ROBO1: variants seen among roughly 807,000 people sequenced by gnomAD.
ROBO1 encodes roundabout guidance receptor 1.
ROBO1 carries 149 observed loss-of-function variants against 195.9 expected under a neutral mutation model. The ratio of observed to expected loss-of-function variants is 0.76; its 90% CI spans 0.67 to 0.87. ROBO1 has a LOEUF of 0.87. ROBO1 is among the 40% of genes least tolerant of loss of function. ROBO1 has a pLI of 0.00. For synonymous variants in ROBO1, 816 were observed against 733.2 expected (o/e 1.11, Z -1.82); for missense variants, 1,933 against 2,068.3 (o/e 0.93, Z 1.27).
intron 2 of ROBO1, among the ~76,000 whole-genome samples, chr3:79,196,780 G>A (rs1469137791): frequency 6.6e-6 from 1 of 151,646 alleles, no homozygotes; most frequent in Non-Finnish European, 1.5e-5. Context: ...TGTACTTGCT[G>A]CTCCAGGTTA....
At chr3:79,171,508 TA>T (rs1035564118) in intron 2 of ROBO1, among the ~76,000 whole-genome samples, 2 of 151,540 alleles carry the variant, frequency 1.3e-5, no homozygotes, top group African/African-American at 4.8e-5. Flanking sequence ...AAAATATTTA[TA>T]AAACAGATTA....
At chr3:78,841,540 TAAGTG>T (rs1405677573) in intron 4 of ROBO1, among the ~76,000 whole-genome samples, 2 of 152,108 alleles carry the variant, frequency 1.3e-5, no homozygotes, top group Non-Finnish European at 2.9e-5. Context: ...ATTTTGACCA[TAAGTG>T]GAGTGGAATA....
At chr3:78,996,223 C>T (rs149523370) in intron 3 of ROBO1, among the ~76,000 whole-genome samples, 355 of 152,026 alleles carry the variant, frequency 2.3e-3, no homozygotes, top group African/African-American at 8.2e-3. Context: ...CGGTGGCTCA[C>T]ACCTGTAATC....
At chr3:79,445,481 G>GTTT (rs34514488) in intron 2 of ROBO1, among the ~76,000 whole-genome samples, 11 of 85,692 alleles carry the variant, frequency 1.3e-4, no homozygotes, top group Admixed American at 1.5e-4. Context: ...TACAGAAATT[G>GTTT]TTTTTTTTTT....
intron 2 of ROBO1, among the ~76,000 whole-genome samples, chr3:79,513,605 G>C (rs1575948500): frequency 6.6e-6 from 1 of 151,920 alleles, no homozygotes; most frequent in African/African-American, 2.4e-5. Context: ...TTTATAGAGC[G>C]ATTAAGTCAC....
chr3:78,971,570 G>T (rs2076766946), intron 3 of ROBO1, among the ~76,000 whole-genome samples: 1 of 152,050 alleles, frequency 6.6e-6, no homozygotes, highest in South Asian at 2.1e-4. Flanking sequence ...AATAAAATGG[G>T]TAAAGTGGCC....
chr3:79,220,505 T>C (rs1377196813), intron 2 of ROBO1, among the ~76,000 whole-genome samples: 1 of 152,050 alleles, frequency 6.6e-6, no homozygotes, highest in Non-Finnish European at 1.5e-5. Context: ...ATTTATCGCC[T>C]GAATTTCCTC....
intron 18 of ROBO1, among the ~76,000 whole-genome samples, chr3:78,653,703 T>C (rs1270663735): frequency 1.3e-5 from 2 of 152,212 alleles, no homozygotes; most frequent in Non-Finnish European, 1.5e-5. Context: ...TTAACCTTCC[T>C]CCCAGTCAAG....
intron 3 of ROBO1, among the ~76,000 whole-genome samples, chr3:78,959,880 G>A (rs1399241584): frequency 1.3e-5 from 2 of 152,156 alleles, no homozygotes; most frequent in South Asian, 2.1e-4. Context: ...CACAACTGGG[G>A]TTAGCTTGGA....
At chr3:78,835,451 A>C (rs2032625123) in intron 4 of ROBO1, among the ~76,000 whole-genome samples, 1 of 152,184 alleles carries the variant, frequency 6.6e-6, no homozygotes, top group Admixed American at 6.5e-5. Context: ...TTTATAAGCA[A>C]CATTATTAAT....
chr3:79,200,339 AT>A (rs2081739102), intron 2 of ROBO1, among the ~76,000 whole-genome samples: 1 of 151,510 alleles, frequency 6.6e-6, no homozygotes, highest in Non-Finnish European at 1.5e-5. Context: ...AAAAATAGGT[AT>A]TTATTTATTT....
intron 2 of ROBO1, among the ~76,000 whole-genome samples, chr3:79,471,175 A>G (rs1258376822): frequency 6.6e-6 from 1 of 152,144 alleles, no homozygotes; most frequent in Non-Finnish European, 1.5e-5. Context: ...AAAGACTCAA[A>G]TGTAAGACCC....
chr3:78,873,264 G>A (rs915301657), intron 4 of ROBO1, among the ~76,000 whole-genome samples: 2 of 152,004 alleles, frequency 1.3e-5, no homozygotes, highest in Non-Finnish European at 2.9e-5. Context: ...AGGTAGTTCC[G>A]TCAGTCAAAA....
chr3:79,688,720 T>C (rs1398528034), intron 1 of ROBO1, among the ~76,000 whole-genome samples: 1 of 152,064 alleles, frequency 6.6e-6, no homozygotes, highest in Non-Finnish European at 1.5e-5. Flanking sequence ...ATCAAAACTA[T>C]CGCCTGTTTT....
At chr3:79,501,494 T>C (rs1446494213) in intron 2 of ROBO1, among the ~76,000 whole-genome samples, 3 of 152,186 alleles carry the variant, frequency 2.0e-5, no homozygotes, top group Admixed American at 2.0e-4. Context: ...CCTTAGAAAA[T>C]GAGTGTCTCT....
intron 1 of ROBO1, among the ~76,000 whole-genome samples, chr3:79,698,111 T>G: frequency 6.6e-6 from 1 of 151,454 alleles, no homozygotes; most frequent in East Asian, 1.9e-4. Flanking sequence ...ATAGTAAAAC[T>G]TTTTCTCAGT....
chr3:78,894,003 C>T (rs997927581), intron 4 of ROBO1, among the ~76,000 whole-genome samples: 9 of 152,126 alleles, frequency 5.9e-5, no homozygotes, highest in African/African-American at 2.2e-4. Context: ...TTCTGAAACA[C>T]CCAGAGATAA....
intron 1 of ROBO1, among the ~76,000 whole-genome samples, chr3:79,679,487 G>A (rs115869617): frequency 0.02 from 3,053 of 152,072 alleles, 110 homozygotes; most frequent in African/African-American, 0.07. Flanking sequence ...AAGTATTAAA[G>A]TTGTGAACAA....
chr3:79,693,245 GCATA>G (rs565177212), intron 1 of ROBO1, among the ~76,000 whole-genome samples: 96 of 151,792 alleles, frequency 6.3e-4, no homozygotes, highest in African/African-American at 2.2e-3. Context: ...ATCTTTTATA[GCATA>G]CATACATACA....
Sources: gnomAD v4.1 joint callset for allele counts (sites outside exome capture counted in the v4.1 genomes callset) on GRCh38, gnomAD v4.1.1 for gene constraint, MANE v1.5 for transcripts, NCBI Gene and HGNC (gene_info 2026-07-23, HGNC 2026-07-21) for gene names.